Variants in CSF1R observed in about 807,000 individuals in gnomAD.
The protein encoded by CSF1R is colony stimulating factor 1 receptor.
In CSF1R, 40 loss-of-function variants were observed where a neutral mutation model predicts 110.0. The ratio of observed to expected loss-of-function variants is 0.36; its 90% CI spans 0.28 to 0.47. The LOEUF is 0.47. Among genes scored for constraint, CSF1R ranks in the 20% least tolerant of loss-of-function variants. CSF1R has a pLI of 0.99. For missense variants in CSF1R, 1,052 were observed against 1,253.0 expected (o/e 0.84, Z 2.42); for synonymous variants, 523 against 503.4 (o/e 1.04, Z -0.52).
chr5:150,060,779 G>T, intron 13 of CSF1R, 83 bp downstream of exon 13: 1 of 831,432 alleles, frequency 1.2e-6, no homozygotes, highest in Non-Finnish European at 1.9e-6. Context: ...CTGAGAAGGA[G>T]AAGACGGAAC....
At chr5:150,102,055 C>T (rs1239498238) in intron 1 of CSF1R, among the ~76,000 whole-genome samples, 1 of 152,142 alleles carries the variant, frequency 6.6e-6, no homozygotes, top group Non-Finnish European at 1.5e-5. Context: ...CACTCTAGTT[C>T]CTTCTAATTT....
At chr5:150,078,371 T>TC (rs1382352265) in intron 3 of CSF1R, 123 bp from the exon 4 acceptor site, 286 of 1,268,302 alleles carry the variant, frequency 2.3e-4, no homozygotes, top group Non-Finnish European at 1.0e-4. Flanking sequence ...CCATCCCAAA[T>TC]CCTGGGAGGC....
intron 3 of CSF1R, 88 bp from the exon 4 acceptor site, chr5:150,078,336 A>G: frequency 2.0e-6 from 3 of 1,513,506 alleles, no homozygotes. Flanking sequence ...GCCAGGACAC[A>G]CAGGCCAGGG....
At chr5:150,058,681 A>T (rs1483248746) in intron 14 of CSF1R, among the ~76,000 whole-genome samples, 1 of 152,082 alleles carries the variant, frequency 6.6e-6, no homozygotes, top group African/African-American at 2.4e-5. Context: ...AGAGGAAGTG[A>T]TGCTGCCAGG....
chr5:150,101,944 A>G (rs1043969954), intron 1 of CSF1R, among the ~76,000 whole-genome samples: 2 of 152,180 alleles, frequency 1.3e-5, no homozygotes, highest in African/African-American at 2.4e-5. Flanking sequence ...AAATCTTTCC[A>G]TATTAGTTCA....
Position 150,069,988 on chromosome 5 carries a change from C to G in CSF1R, c.1395G>C (p.Lys465Asn). The stretch of plus-strand genomic sequence containing the variant: ...CAGTCAGCAGGCTCTGCACCGTCAC[C>G]TTGTGGAAGGGCTCCTGGCTCAGGA... ...PEVLSQEPFH[K>N]VTVQSLLTVE... is the part of the protein sequence containing the mutation. The change falls in exon 9 of 21, where the codon AAG becomes AAC. Residue 465 changes from lysine (K) to asparagine (N), a missense_variant. Physicochemically the swap from Lys to Asn is moderately conservative, Grantham distance 94. Around this residue, in one of 5 missense-constraint regions of CSF1R, gnomAD observed 693 missense variants for 735.4 expected, o/e 0.94. Transcript: ENST00000675795. 2 of 1,614,172 alleles carry G rather than the reference C, an allele frequency of 1.2e-6. No homozygotes were observed. The highest frequency in any genetic ancestry group is 1.7e-6 in the Non-Finnish European group (2 of 1,180,018).
intron 1 of CSF1R, among the ~76,000 whole-genome samples, chr5:150,111,767 A>G (rs1344882555): frequency 6.6e-6 from 1 of 152,190 alleles, no homozygotes; most frequent in African/African-American, 2.4e-5. Flanking sequence ...TGCACATTTG[A>G]TTTGGTTTGA....
chr5:150,094,735 C>G (rs892865465), intron 1 of CSF1R: 14 of 1,603,782 alleles, frequency 8.7e-6, no homozygotes, highest in East Asian at 6.7e-5. Context: ...TGGGGGTACC[C>G]CAATCTGAAG....
intron 6 of CSF1R, among the ~76,000 whole-genome samples, chr5:150,071,428 CT>C (rs1051356262): frequency 4.6e-5 from 7 of 152,154 alleles, no homozygotes; most frequent in Non-Finnish European, 1.5e-5. Flanking sequence ...CCAGTTCTTG[CT>C]TGGGAAATGT....
At position 150,055,943 on chromosome 5, in the gene CSF1R, G is replaced by A; in HGVS notation, c.2554+83C>T. The A allele has an allele frequency of 3.9e-6, 5 of 1,270,192 alleles. No individual in the cohort carries two copies. The Middle Eastern group carries it at 5.9e-4, about 150-fold the overall frequency. The allele number at this position is 1,270,192 out of a possible 1,614,324, so 78.7% of individuals were successfully genotyped here. A position where few individuals can be genotyped will look rare whatever the true frequency, so the allele number is the denominator to read the frequency against. ...CTCTCACCAACCCTCGCTGTGTCCT[G>A]GGCACCAAACAGCTTTGTCCACCAG... On this transcript the variant is annotated intron_variant, in intron 18 of 20. Transcript: ENST00000675795.
upstream of CSF1R, among the ~76,000 whole-genome samples, chr5:150,088,658 C>T (rs974054792): frequency 4.6e-5 from 7 of 152,054 alleles, no homozygotes; most frequent in African/African-American, 1.7e-4. Flanking sequence ...CTCAAACTCC[C>T]GAGTAGCTGG....
Position 150,069,869 on chromosome 5 carries a change from T to C in CSF1R, c.1510+4A>G, listed in dbSNP as rs1757955939. 1 of 1,600,386 alleles carries C rather than the reference T, an allele frequency of 6.2e-7. No homozygotes were observed. Among genetic ancestry groups the C allele is most frequent in the African/African-American group, 1.3e-5 (1 of 74,510 alleles). ...GCGGTGCGGGTGCGAAGGCTCCCTC[T>C]CACCTGCAGAGATGGGTATGAAGGC... On this transcript the variant is annotated splice_donor_region_variant and intron_variant, in intron 9 of 20. Coordinates refer to ENST00000675795, the MANE Select transcript of CSF1R (RefSeq NM_001288705.3).
At chr5:150,055,163 G>A (rs893030671) in intron 19 of CSF1R, 74 bp downstream of exon 19, 1 of 1,331,912 alleles carries the variant, frequency 7.5e-7, no homozygotes, top group African/African-American at 1.4e-5. Context: ...AAAGATCAGG[G>A]CCACACGGCC....
chr5:150,086,620 A>T, upstream of CSF1R: 1 of 537,214 alleles, frequency 1.9e-6, no homozygotes, highest in Non-Finnish European at 3.3e-6. Context: ...AGGCAAGGCA[A>T]CCACAGAGTT....
chr5:150,076,935 T>C (rs1758291386), intron 5 of CSF1R: 1 of 353,188 alleles, frequency 2.8e-6, no homozygotes, highest in Non-Finnish European at 5.4e-6. Flanking sequence ...TGGGTGATCA[T>C]TGTCTTTTCA....
At chr5:150,105,255 G>A (rs1425816525) in intron 1 of CSF1R, among the ~76,000 whole-genome samples, 3 of 145,000 alleles carry the variant, frequency 2.1e-5, no homozygotes, top group Non-Finnish European at 4.5e-5. Context: ...GGCTGAGGCA[G>A]GAGAATCACT....
rs952163871 is a variant in CSF1R, at chr5:150,053,837, G to C, written c.*232C>G. ...CAACACCATGAGAACAGTAGGGGAG[G>C]GGGGGGTGAGGGCTCAGCCCCCAGC... On this transcript the variant is annotated 3_prime_UTR_variant, in exon 21 of 21. Coordinates refer to ENST00000675795, the MANE Select transcript of CSF1R (RefSeq NM_001288705.3). 26 of 583,004 alleles carry C rather than the reference G, an allele frequency of 4.5e-5. No homozygotes were observed. The highest frequency in any genetic ancestry group is 3.7e-4 in the East Asian group (13 of 34,910). 36.1% of individuals were successfully genotyped at this position (583,004 alleles called of 1,614,324 possible). A position where few individuals can be genotyped will look rare whatever the true frequency, so the allele number is the denominator to read the frequency against.
upstream of CSF1R, among the ~76,000 whole-genome samples, chr5:150,091,203 C>T (rs932820281): frequency 6.6e-6 from 1 of 152,150 alleles, no homozygotes; most frequent in Admixed American, 6.5e-5. Flanking sequence ...AAAAATGGTG[C>T]AGCTGCTATG....
chr5:150,105,362 A>AT (rs1759519120), intron 1 of CSF1R, among the ~76,000 whole-genome samples: 32 of 98,154 alleles, frequency 3.3e-4, no homozygotes, highest in African/African-American at 8.5e-4. Flanking sequence ...AAAAAAAAAA[A>AT]AATATATATA....
Sources: gnomAD v4.1 joint callset for allele counts (sites outside exome capture counted in the v4.1 genomes callset) on GRCh38, gnomAD v4.1.1 for gene constraint, gnomAD v4.1.1 regional missense constraint, MANE v1.5 for transcripts, NCBI Gene and HGNC (gene_info 2026-07-23, HGNC 2026-07-21) for gene names.